Variants in WDR86 observed in about 807,000 individuals in gnomAD.
The protein encoded by WDR86 is WD repeat domain 86.
In WDR86, 30 loss-of-function variants were observed where a neutral mutation model predicts 36.5. That is an observed-to-expected ratio of 0.82 (90% CI 0.61 to 1.11). The LOEUF is 1.11. Ranked by LOEUF, WDR86 falls within the 50% of genes most tolerant of loss-of-function variation. The pLI is 0.00. For missense variants in WDR86, 545 were observed against 561.2 expected, an observed-to-expected ratio of 0.97 and a Z score of 0.29; for synonymous variants, 255 against 252.9, an observed-to-expected ratio of 1.01 and a Z score of -0.08.
upstream of WDR86, chr7:151,410,414 C>A (rs559467322): frequency 6.6e-6 from 1 of 152,490 alleles, no homozygotes; most frequent in Non-Finnish European, 1.5e-5. Context: ...AAGGACTCTG[C>A]CCGAGGGGCT....
chr7:151,398,989 A>G (rs891565513), intron 2 of WDR86, among the ~76,000 whole-genome samples: 1 of 152,104 alleles, frequency 6.6e-6, no homozygotes, highest in East Asian at 1.9e-4. Context: ...AGGCCAGTGG[A>G]GCTGTGAGCC....
At chr7:151,408,947 T>C (rs549258768) in intron 1 of WDR86, 1 of 472,664 alleles carries the variant, frequency 2.1e-6, no homozygotes, top group South Asian at 1.5e-5. Context: ...GACGGCACAC[T>C]TCTCCGCACC....
downstream of WDR86, among the ~76,000 whole-genome samples, chr7:151,372,147 T>C (rs184496399): frequency 6.4e-4 from 97 of 152,360 alleles, no homozygotes; most frequent in Non-Finnish European, 8.1e-4. Flanking sequence ...CCGTGAGACG[T>C]AGCCTTCCTA....
At position 151,388,393 on chromosome 7, in the gene WDR86, A is replaced by ACC. The variant is rs34783946; in HGVS notation, c.727-3172_727-3171dup. On this transcript the variant is annotated intron_variant, in intron 3 of 5. Coordinates refer to ENST00000334493, the MANE Select transcript of WDR86 (RefSeq NM_198285.3). The surrounding 1 kb of genome is among the most constrained non-coding windows in gnomAD (Gnocchi z 4.2). The stretch of plus-strand genomic sequence containing the variant: ...ACTCTATCTCTCCTCCTTCACAAGG[A>ACC]CCCCAGGTCAAGCCCAGAACCTGGG... 6.5e-3 allele frequency among the ~76,000 whole-genome samples: 990 copies of ACC among 152,308 alleles called. 4 individuals are homozygous for ACC. Among genetic ancestry groups the ACC allele is most frequent in the Middle Eastern group, 0.014 (4 of 294 alleles).
Position 151,405,576 on chromosome 7 carries a change from G to A in WDR86, c.163+3851C>T, listed in dbSNP as rs1366656366. On this transcript the variant is annotated intron_variant, in intron 1 of 5. Transcript: ENST00000334493. The surrounding 1 kb of genome is among the most constrained non-coding windows in gnomAD (Gnocchi z 4.7). ...CAGCGTGGCTGGAATGGACACTGAC[G>A]TGGCCACCAGAGACTTGTAGCAAAT... 1.3e-5 allele frequency among the ~76,000 whole-genome samples: 2 copies of A among 152,206 alleles called. No homozygotes were observed. Among genetic ancestry groups the A allele is most frequent in the Non-Finnish European group, 2.9e-5 (2 of 68,040 alleles).
chr7:151,387,024 C>T (rs1335871371), intron 3 of WDR86, among the ~76,000 whole-genome samples: 2 of 152,208 alleles, frequency 1.3e-5, no homozygotes, highest in African/African-American at 4.8e-5. Context: ...CTGGGCTGAC[C>T]ACCACCAGCG....
rs748373598 is a variant in WDR86, at chr7:151,402,070, A to AATATATATAT, written c.164-1839_164-1830dup. Among the ~76,000 whole-genome samples, 266 of 50,460 alleles carry AATATATATAT rather than the reference A, an allele frequency of 5.3e-3. 7 individuals carry two copies. Among genetic ancestry groups the AATATATATAT allele is most frequent in the Middle Eastern group, 9.8e-3 (1 of 102 alleles). The allele number at this position is 50,460 out of a possible 152,430, so 33.1% of individuals were successfully genotyped here. A position where few individuals can be genotyped will look rare whatever the true frequency, so the allele number is the denominator to read the frequency against. On this transcript the variant is annotated intron_variant, in intron 1 of 5. Transcript: ENST00000334493. ...CTCAAAAAAAAAAAAAAAAAAAAAA[A>AATATATATAT]ATATATATATATATATATATATCTC...
chr7:151,385,424 GCCA>G, intron 3 of WDR86: 4 of 904,872 alleles, frequency 4.4e-6, no homozygotes, highest in South Asian at 3.6e-5. Context: ...CCATGGGGCA[GCCA>G]GTGCTCCAAC....
Position 151,388,819 on chromosome 7 carries a change from C to T in WDR86, c.727-3596G>A, listed in dbSNP as rs1252213565. Among the ~76,000 whole-genome samples the T allele has an allele frequency of 1.3e-5, 2 of 152,118 alleles. No individual in the cohort carries two copies. Among genetic ancestry groups the T allele is most frequent in the South Asian group, 2.1e-4 (1 of 4,818 alleles). On this transcript the variant is annotated intron_variant, in intron 3 of 5. Coordinates refer to ENST00000334493, the MANE Select transcript of WDR86 (RefSeq NM_198285.3). The surrounding 1 kb of genome is among the most constrained non-coding windows in gnomAD (Gnocchi z 4.2). ...GTATATGAAGCTATGGTCTGAGTGT[C>T]GGAACCCCCCAAATTCATGCTGGAA...
the WDR86 span, among the ~76,000 whole-genome samples, chr7:151,370,367 G>T: frequency 2.6e-4 from 39 of 152,290 alleles, no homozygotes; most frequent in Admixed American, 7.8e-4. Context: ...GGGATCACAG[G>T]TGTGAGCCAC....
intron 3 of WDR86, among the ~76,000 whole-genome samples, chr7:151,394,432 C>T (rs146503369): frequency 3.2e-3 from 491 of 152,290 alleles, no homozygotes; most frequent in Non-Finnish European, 5.3e-3. Context: ...CCCCGTCACC[C>T]GGAGCCTGCC....
At chr7:151,402,047 C>CAAAAAAAAAAAA (rs71198714) in intron 1 of WDR86, among the ~76,000 whole-genome samples, 1 of 14,952 alleles carries the variant, frequency 6.7e-5, no homozygotes, top group Non-Finnish European at 1.1e-4. Flanking sequence ...AACTCTGCCT[C>CAAAAAAAAAAAA]AAAAAAAAAA....
chr7:151,377,417 C>T, downstream of WDR86: 3 of 467,880 alleles, frequency 6.4e-6, no homozygotes, highest in Non-Finnish European at 1.1e-5. Flanking sequence ...GAAGCTTCCT[C>T]TGGCCTGGCG....
intron 1 of WDR86, among the ~76,000 whole-genome samples, chr7:151,402,957 C>T (rs1318076026): frequency 6.6e-6 from 1 of 152,196 alleles, no homozygotes; most frequent in Non-Finnish European, 1.5e-5. Context: ...CCCCAATACC[C>T]ATCAGGGATT....
At chr7:151,373,063 G>A (rs936278651), downstream of WDR86, among the ~76,000 whole-genome samples, 3 of 152,168 alleles carry the variant, frequency 2.0e-5, no homozygotes, top group Non-Finnish European at 2.9e-5. Context: ...TTTCCTAAGA[G>A]ATGAGGCCGC....
In WDR86 at chr7:151,409,481, C is replaced by G. The variant is rs1424915503; in HGVS notation, c.109G>C (p.Gly37Arg). ...GCGGTGCTCCAGAGCCGGGCCGTGC[C>G]GTCCTCGCTGCCCGTCAGCAGGCGC... ...GQRLLTGSED[G>R]TARLWSTADG... The change falls in exon 1 of 6, where the codon GGC (glycine) becomes CGC (arginine). Residue 37 changes from glycine to arginine, a missense_variant. Coordinates refer to ENST00000334493, the MANE Select transcript of WDR86 (RefSeq NM_198285.3). The surrounding 1 kb of genome is among the most constrained non-coding windows in gnomAD (Gnocchi z 5.2). The G allele has an allele frequency of 2.0e-6, 3 of 1,535,848 alleles. No homozygotes were observed. The highest frequency in any genetic ancestry group is 2.6e-6 in the Non-Finnish European group (3 of 1,146,760).
chr7:151,403,820 C>T (rs184777981), intron 1 of WDR86, among the ~76,000 whole-genome samples: 9 of 152,308 alleles, frequency 5.9e-5, no homozygotes, highest in Admixed American at 2.0e-4. Flanking sequence ...TCCCTGCTGC[C>T]GCCAGGAGGG....
At chr7:151,387,590 T>C (rs1200171324) in intron 3 of WDR86, among the ~76,000 whole-genome samples, 1 of 151,846 alleles carries the variant, frequency 6.6e-6, no homozygotes, top group East Asian at 1.9e-4. Flanking sequence ...CTCCCAGCGA[T>C]GAGATCCAAC....
At chr7:151,389,651 G>A (rs1251149765) in intron 3 of WDR86, among the ~76,000 whole-genome samples, 1 of 152,240 alleles carries the variant, frequency 6.6e-6, no homozygotes, top group East Asian at 1.9e-4. Flanking sequence ...GCCCTGCACA[G>A]GGCAGGGGCT....
Sources: gnomAD v4.1 joint callset for allele counts (sites outside exome capture counted in the v4.1 genomes callset) on GRCh38, gnomAD v4.1.1 for gene constraint, Gnocchi (gnomAD v3.1) non-coding constraint, MANE v1.5 for transcripts, NCBI Gene and HGNC (gene_info 2026-07-23, HGNC 2026-07-21) for gene names.